The following NFAM1 variants were observed in gnomAD, a reference collection of about 807,000 sequenced individuals.
The protein encoded by NFAM1 is NFAT activating protein with ITAM motif 1, also known as NFAT activation molecule 1.
Under a neutral mutation model 29.0 loss-of-function variants are expected in NFAM1, and 17 were observed. That is an observed-to-expected ratio of 0.59 (90% CI 0.40 to 0.88). NFAM1 has a LOEUF of 0.88. Among genes scored for constraint, NFAM1 ranks in the 40% least tolerant of loss-of-function variants. The pLI is 0.00. For missense variants in NFAM1, 324 were observed against 344.6 expected (o/e 0.94, Z 0.47); for synonymous variants, 175 against 147.2 (o/e 1.19, Z -1.36).
In NFAM1 at chr22:42,388,815, G is replaced by A. The variant is rs1910634006; in HGVS notation, c.664-1737C>T. Among the ~76,000 whole-genome samples the A allele has an allele frequency of 1.3e-5, 2 of 152,204 alleles. No individual in the cohort carries two copies. Among genetic ancestry groups the A allele is most frequent in the African/African-American group, 4.8e-5 (2 of 41,450 alleles). On this transcript the variant is annotated intron_variant, in intron 4 of 5. Coordinates refer to ENST00000329021, the MANE Select transcript of NFAM1 (RefSeq NM_145912.8). This position sits in a 1 kb window ranked among gnomAD's most constrained non-coding sequence, Gnocchi z 4.1. ...GGGGTCTCTGAGCCAGAAACAGGCT[G>A]GGTCTGGGGAGAGGGGCTTCCAACC...
chr22:42,428,680 C>T (rs923325320), intron 1 of NFAM1, among the ~76,000 whole-genome samples: 4 of 152,176 alleles, frequency 2.6e-5, no homozygotes, highest in African/African-American at 4.8e-5. Context: ...GGCTTGTTCA[C>T]GTCTGGGTCC....
At chr22:42,417,850 A>C (rs1930311803) in intron 1 of NFAM1, among the ~76,000 whole-genome samples, 2 of 152,162 alleles carry the variant, frequency 1.3e-5, no homozygotes, top group Non-Finnish European at 1.5e-5. Flanking sequence ...GGGTTGCCAC[A>C]CGGTGTCTGG....
chr22:42,407,120 C>G (rs112554524), intron 3 of NFAM1, among the ~76,000 whole-genome samples: 7 of 145,226 alleles, frequency 4.8e-5, no homozygotes, highest in African/African-American at 1.8e-4. Flanking sequence ...CGCTGTGTTG[C>G]CCAGGGGCTG....
intron 4 of NFAM1, among the ~76,000 whole-genome samples, 181 bp from the exon 5 acceptor site, chr22:42,387,259 G>A (rs76691190): frequency 3.4e-3 from 520 of 152,158 alleles, no homozygotes; most frequent in African/African-American, 0.011. Flanking sequence ...TTCCCTGCCT[G>A]TAAAGGGCTG....
At chr22:42,414,582 A>AT (rs1368616226) in intron 1 of NFAM1, among the ~76,000 whole-genome samples, 2 of 151,044 alleles carry the variant, frequency 1.3e-5, no homozygotes, top group African/African-American at 2.4e-5. Context: ...AATTAAAAAA[A>AT]TTTTTTTTTA....
intron 3 of NFAM1, among the ~76,000 whole-genome samples, chr22:42,408,100 G>T (rs112071158): frequency 0.028 from 4,250 of 151,930 alleles, 201 homozygotes; most frequent in African/African-American, 0.099. Context: ...TGCCATGTTG[G>T]CCAGGCTGGT....
chr22:42,415,294 C>CTTTTTTTTTTTTTTTT (rs398037250), intron 1 of NFAM1, among the ~76,000 whole-genome samples: 23 of 94,824 alleles, frequency 2.4e-4, no homozygotes, highest in Admixed American at 4.7e-4. Flanking sequence ...TTCTTTCTTT[C>CTTTTTTTTTTTTTTTT]TTTTTTTTTT....
chr22:42,416,279 T>C (rs569382495), intron 1 of NFAM1, among the ~76,000 whole-genome samples: 5 of 152,238 alleles, frequency 3.3e-5, no homozygotes, highest in African/African-American at 1.2e-4. Flanking sequence ...GAGACCAGCC[T>C]GAGCACATAG....
chr22:42,387,102 T>C, intron 4 of NFAM1, 24 bp from the exon 5 acceptor site: 1 of 1,446,520 alleles, frequency 6.9e-7, no homozygotes, highest in Non-Finnish European at 9.5e-7. Flanking sequence ...GGTGCCAGGA[T>C]CAGGGGCAAG....
At position 42,382,958 on chromosome 22, in the gene NFAM1, C is replaced by T. The variant is rs141138393; in HGVS notation, c.*2203G>A. 1,024 of 152,752 alleles carry T rather than the reference C, an allele frequency of 6.7e-3. 10 individuals carry two copies. The highest frequency in any genetic ancestry group is 0.023 in the African/African-American group (975 of 41,554). 9.5% of individuals were successfully genotyped at this position (152,752 alleles called of 1,614,324 possible). ...TGGGTCAGCCCCCAAGAACCTCCTA[C>T]GCCACAGGGAGGAGTTGGAATTTTA... On this transcript the variant is annotated 3_prime_UTR_variant, in exon 6 of 6. Transcript: ENST00000329021.
intron 1 of NFAM1, among the ~76,000 whole-genome samples, chr22:42,425,420 T>C (rs1930592029): frequency 6.6e-6 from 1 of 152,180 alleles, no homozygotes; most frequent in South Asian, 2.1e-4. Context: ...AGCTCACTTT[T>C]ATCCTGACTT....
chr22:42,396,077 G>A (rs775726429), intron 4 of NFAM1, among the ~76,000 whole-genome samples: 4 of 151,908 alleles, frequency 2.6e-5, no homozygotes, highest in African/African-American at 7.3e-5. Context: ...ACTCTTCTCC[G>A]CCCAGGCCCA....
chr22:42,428,714 T>G (rs1206113890), intron 1 of NFAM1, among the ~76,000 whole-genome samples: 4 of 152,144 alleles, frequency 2.6e-5, no homozygotes, highest in Non-Finnish European at 5.9e-5. Context: ...AACCGGTCCT[T>G]TTCAATGGAT....
chr22:42,432,524 C>A, upstream of NFAM1: 1 of 906,020 alleles, frequency 1.1e-6, no homozygotes, highest in Non-Finnish European at 1.6e-6. Context: ...AGATGAGGAA[C>A]CTGGCACTGA....
At chr22:42,415,652 G>T (rs1930238489) in intron 1 of NFAM1, among the ~76,000 whole-genome samples, 1 of 152,112 alleles carries the variant, frequency 6.6e-6, no homozygotes, top group Admixed American at 6.6e-5. Context: ...TCCTGCAACT[G>T]CCCAGCTCCC....
chr22:42,406,341 C>A (rs1254638319), intron 3 of NFAM1, among the ~76,000 whole-genome samples: 1 of 152,176 alleles, frequency 6.6e-6, no homozygotes. Flanking sequence ...GGGTGTCCCT[C>A]ACTCAGACAG....
chr22:42,417,871 G>GC (rs1930312584), intron 1 of NFAM1, among the ~76,000 whole-genome samples: 1 of 152,116 alleles, frequency 6.6e-6, no homozygotes, highest in Admixed American at 6.5e-5. Flanking sequence ...GAGGGCCCCC[G>GC]CCCCGTCCCC....
chr22:42,400,878 G>A (rs1296187219), intron 3 of NFAM1, among the ~76,000 whole-genome samples: 1 of 152,238 alleles, frequency 6.6e-6, no homozygotes, highest in African/African-American at 2.4e-5. Flanking sequence ...CCAGGGCTGA[G>A]GATGTGAGCT....
At chr22:42,397,503 A>G (rs572881439) in intron 4 of NFAM1, among the ~76,000 whole-genome samples, 97 of 152,322 alleles carry the variant, frequency 6.4e-4, no homozygotes, top group African/African-American at 2.3e-3. Context: ...CAATAAAAAC[A>G]GGAGGAAGTG....
Sources: gnomAD v4.1 joint callset for allele counts (sites outside exome capture counted in the v4.1 genomes callset) on GRCh38, gnomAD v4.1.1 for gene constraint, Gnocchi (gnomAD v3.1) non-coding constraint, MANE v1.5 for transcripts, NCBI Gene and HGNC (gene_info 2026-07-23, HGNC 2026-07-21) for gene names.